The following ST6GALNAC3 variants were observed in gnomAD, a reference collection of about 807,000 sequenced individuals.
ST6GALNAC3 encodes alpha-N-acetylgalactosaminide alpha-2,6-sialyltransferase 3.
ST6GALNAC3 carries 25 observed loss-of-function variants against 32.7 expected under a neutral mutation model. That is an observed-to-expected ratio of 0.76 (90% CI 0.56 to 1.07). The LOEUF is 1.07. Ranked by LOEUF, ST6GALNAC3 falls within the 50% of genes least tolerant of loss-of-function variation. The pLI is 0.00. For missense variants in ST6GALNAC3, 355 were observed against 382.4 expected, an observed-to-expected ratio of 0.93 and a Z score of 0.60; for synonymous variants, 129 against 133.1, an observed-to-expected ratio of 0.97 and a Z score of 0.21.
chr1:76,209,357 T>G (rs1199390648), intron 1 of ST6GALNAC3, among the ~76,000 whole-genome samples: 2 of 152,184 alleles, frequency 1.3e-5, no homozygotes, highest in Admixed American at 1.3e-4. Context: ...TCAGAGCATC[T>G]CATATGGTTG....
At chr1:76,182,121 A>C (rs1653218622) in intron 1 of ST6GALNAC3, among the ~76,000 whole-genome samples, 1 of 152,212 alleles carries the variant, frequency 6.6e-6, no homozygotes, top group African/African-American at 2.4e-5. Context: ...GGGTTAGAAG[A>C]CTGATATGAA....
chr1:76,450,785 C>A (rs183063773), intron 3 of ST6GALNAC3, among the ~76,000 whole-genome samples: 1 of 152,206 alleles, frequency 6.6e-6, no homozygotes, highest in East Asian at 1.9e-4. Context: ...GCCAATTATC[C>A]CAGCACCATT....
intron 1 of ST6GALNAC3, among the ~76,000 whole-genome samples, chr1:76,092,632 G>C (rs1380040833): frequency 6.6e-6 from 1 of 152,168 alleles, no homozygotes; most frequent in Non-Finnish European, 1.5e-5. Flanking sequence ...GATCACACAG[G>C]ACCCCATGCT....
chr1:76,165,841 C>T (rs1311919229), intron 1 of ST6GALNAC3, among the ~76,000 whole-genome samples: 1 of 151,994 alleles, frequency 6.6e-6, no homozygotes, highest in African/African-American at 2.4e-5. Context: ...TGTTCATGTC[C>T]TTTGTCCACT....
chr1:76,345,188 G>A (rs533257876), intron 2 of ST6GALNAC3, among the ~76,000 whole-genome samples: 4 of 151,970 alleles, frequency 2.6e-5, no homozygotes, highest in Admixed American at 6.6e-5. Context: ...CTTCTCCCCC[G>A]GACAGTGATG....
intron 2 of ST6GALNAC3, among the ~76,000 whole-genome samples, chr1:76,380,595 G>A (rs1291190283): frequency 6.6e-6 from 1 of 152,120 alleles, no homozygotes; most frequent in Non-Finnish European, 1.5e-5. Context: ...TAAATATATT[G>A]TATATGTCAT....
chr1:76,249,312 C>T (rs1176249398), intron 1 of ST6GALNAC3, among the ~76,000 whole-genome samples: 29 of 152,166 alleles, frequency 1.9e-4, no homozygotes, highest in Admixed American at 1.9e-3. Flanking sequence ...AATTTACCTA[C>T]TCCAGACATA....
At chr1:76,130,002 C>T (rs1246025945) in intron 1 of ST6GALNAC3, among the ~76,000 whole-genome samples, 5 of 152,142 alleles carry the variant, frequency 3.3e-5, no homozygotes, top group African/African-American at 4.8e-5. Flanking sequence ...TGGCCCATTC[C>T]TGCATTTGAG....
At chr1:76,158,529 C>T (rs1297484430) in intron 1 of ST6GALNAC3, among the ~76,000 whole-genome samples, 2 of 152,154 alleles carry the variant, frequency 1.3e-5, no homozygotes, top group African/African-American at 4.8e-5. Flanking sequence ...TGAGCAACTC[C>T]AGTATCTTAA....
At chr1:76,553,516 T>A (rs1427703588) in intron 3 of ST6GALNAC3, among the ~76,000 whole-genome samples, 1 of 152,142 alleles carries the variant, frequency 6.6e-6, no homozygotes, top group African/African-American at 2.4e-5. Context: ...TATCCAAAAT[T>A]ATTTTCAAAA....
At chr1:76,379,680 G>A (rs1276816827) in intron 2 of ST6GALNAC3, among the ~76,000 whole-genome samples, 5 of 152,198 alleles carry the variant, frequency 3.3e-5, no homozygotes, top group Non-Finnish European at 2.9e-5. Flanking sequence ...GCCTCTCCCA[G>A]AAAGTGGTCA....
At chr1:76,622,386 G>C (rs1164815146) in intron 3 of ST6GALNAC3, among the ~76,000 whole-genome samples, 1 of 151,976 alleles carries the variant, frequency 6.6e-6, no homozygotes, top group Middle Eastern at 3.2e-3. Flanking sequence ...GTAAAGAAGG[G>C]AGAAGGAAGT....
rs768522843 is a variant in ST6GALNAC3 at position 76,412,476 on chromosome 1, C to A, written c.623+59C>A. 142 of 1,478,184 alleles carry A rather than the reference C, an allele frequency of 9.6e-5. No individual in the cohort carries two copies. The African/African-American group carries it at 1.7e-3, about 17-fold the overall frequency. 91.6% of individuals were successfully genotyped at this position (1,478,184 alleles called of 1,614,324 possible). ...TATTATCTTTTATGCTAAATCTTCG[C>A]CAATTCCTTTTGCAGGATATAAAAT... On this transcript the variant is annotated intron_variant, in intron 3 of 4. Coordinates refer to ENST00000328299, the MANE Select transcript of ST6GALNAC3 (RefSeq NM_152996.4).
At chr1:76,533,525 T>C (rs1452197558) in intron 3 of ST6GALNAC3, among the ~76,000 whole-genome samples, 1 of 152,126 alleles carries the variant, frequency 6.6e-6, no homozygotes, top group Non-Finnish European at 1.5e-5. Context: ...TTACTTCCAC[T>C]CTGAGGCTTC....
chr1:76,536,631 A>G (rs1169832989), intron 3 of ST6GALNAC3, among the ~76,000 whole-genome samples: 1 of 141,402 alleles, frequency 7.1e-6, no homozygotes, highest in African/African-American at 2.6e-5. Flanking sequence ...GAGCCAGACC[A>G]TATCACATGG....
chr1:76,599,318 A>G (rs1647183830), intron 3 of ST6GALNAC3, among the ~76,000 whole-genome samples: 1 of 152,174 alleles, frequency 6.6e-6, no homozygotes. Flanking sequence ...TCTGGGATAC[A>G]TATGCAGAAC....
At chr1:76,417,405 G>C (rs1571164513) in intron 3 of ST6GALNAC3, among the ~76,000 whole-genome samples, 1 of 152,004 alleles carries the variant, frequency 6.6e-6, no homozygotes, top group East Asian at 1.9e-4. Flanking sequence ...TTTCCCCTTT[G>C]AATGATTGGT....
At chr1:76,481,755 A>G (rs763173814) in intron 3 of ST6GALNAC3, among the ~76,000 whole-genome samples, 9 of 152,162 alleles carry the variant, frequency 5.9e-5, no homozygotes, top group Non-Finnish European at 1.2e-4. Flanking sequence ...TGTGTATGTG[A>G]CAGATGAGAT....
intron 2 of ST6GALNAC3, among the ~76,000 whole-genome samples, chr1:76,399,180 GATAGT>G (rs1653216075): frequency 6.6e-6 from 1 of 152,052 alleles, no homozygotes; most frequent in African/African-American, 2.4e-5. Context: ...TCTTTTGAGG[GATAGT>G]ATAATTCATT....
Sources: gnomAD v4.1 joint callset for allele counts (sites outside exome capture counted in the v4.1 genomes callset) on GRCh38, gnomAD v4.1.1 for gene constraint, MANE v1.5 for transcripts, NCBI Gene and HGNC (gene_info 2026-07-23, HGNC 2026-07-21) for gene names.